Variants in LMNB1 observed in about 807,000 individuals in gnomAD.
LMNB1 encodes the protein lamin-B1.
Under a neutral mutation model 67.1 loss-of-function variants are expected in LMNB1, and 23 were observed. That is an observed-to-expected ratio of 0.34 (90% CI 0.25 to 0.49). The LOEUF (loss-of-function observed/expected upper bound fraction) is 0.49, where lower values mean the gene tolerates loss of function less well. LMNB1 is among the 20% of genes least tolerant of loss of function. LMNB1 has a pLI of 0.99. For synonymous variants in LMNB1, 281 were observed against 282.9 expected (o/e 0.99, Z 0.07); for missense variants, 634 against 746.5 (o/e 0.85, Z 1.76).
intron 7 of LMNB1, among the ~76,000 whole-genome samples, chr5:126,822,022 T>TG (rs1055121385): frequency 3.4e-4 from 51 of 151,702 alleles, no homozygotes; most frequent in Non-Finnish European, 6.2e-4. Flanking sequence ...CCTTTTTTTT[T>TG]TTTTTGAGTC....
At chr5:126,814,461 C>G (rs1382616763) in intron 5 of LMNB1, among the ~76,000 whole-genome samples, 1 of 151,660 alleles carries the variant, frequency 6.6e-6, no homozygotes, top group East Asian at 1.9e-4. Flanking sequence ...GTAGTGGGCT[C>G]TGAAACTTAG....
intron 9 of LMNB1, among the ~76,000 whole-genome samples, chr5:126,827,881 C>T: frequency 6.6e-6 from 1 of 152,134 alleles, no homozygotes; most frequent in Admixed American, 6.5e-5. Context: ...TTTTTGTCTG[C>T]TCCCATAGTG....
intron 4 of LMNB1, 33 bp downstream of exon 4, chr5:126,810,383 T>G: frequency 6.6e-7 from 1 of 1,510,430 alleles, no homozygotes; most frequent in Non-Finnish European, 9.1e-7. Flanking sequence ...TTTTGAACAC[T>G]TAAAATCATT....
At chr5:126,802,468 G>C (rs1211145802) in intron 1 of LMNB1, among the ~76,000 whole-genome samples, 1 of 152,122 alleles carries the variant, frequency 6.6e-6, no homozygotes, top group Non-Finnish European at 1.5e-5. Flanking sequence ...TTTTGAGACG[G>C]AGTCTCACTC....
At chr5:126,827,625 C>T (rs894829683) in intron 9 of LMNB1, among the ~76,000 whole-genome samples, 11 of 152,088 alleles carry the variant, frequency 7.2e-5, no homozygotes, top group African/African-American at 2.7e-4. Context: ...CCAGCCTGGG[C>T]GACAGAGCAA....
At chr5:126,833,126 G>A (rs1438017915) in intron 10 of LMNB1, among the ~76,000 whole-genome samples, 2 of 152,160 alleles carry the variant, frequency 1.3e-5, no homozygotes, top group Admixed American at 1.3e-4. Flanking sequence ...AGGGTCCTAT[G>A]ATTAAAAGGT....
intron 1 of LMNB1, among the ~76,000 whole-genome samples, chr5:126,782,044 A>G (rs1362709149): frequency 1.3e-5 from 2 of 152,190 alleles, no homozygotes; most frequent in African/African-American, 4.8e-5. Flanking sequence ...TTTTGAGAGA[A>G]CAGTTTCCAA....
At chr5:126,787,547 T>TATATATATATATATATATATA (rs869071732) in intron 1 of LMNB1, among the ~76,000 whole-genome samples, 6 of 37,482 alleles carry the variant, frequency 1.6e-4, no homozygotes, top group African/African-American at 4.1e-4. Context: ...TATATATATA[T>TATATATATATATATATATATA]TTTTTTTTTT....
chr5:126,816,548 A>G (rs1202093290), intron 5 of LMNB1, among the ~76,000 whole-genome samples: 1 of 152,236 alleles, frequency 6.6e-6, no homozygotes, highest in African/African-American at 2.4e-5. Flanking sequence ...GTCAAAACTA[A>G]GAAACTGACA....
At chr5:126,795,437 CT>C (rs1463860637) in intron 1 of LMNB1, among the ~76,000 whole-genome samples, 1 of 151,982 alleles carries the variant, frequency 6.6e-6, no homozygotes, top group Non-Finnish European at 1.5e-5. Context: ...CGGGCCTGGC[CT>C]CCTAATTCAT....
intron 1 of LMNB1, among the ~76,000 whole-genome samples, chr5:126,800,982 A>ATATATATATATATTTTTTTTTTT: frequency 5.4e-5 from 1 of 18,632 alleles, no homozygotes; most frequent in African/African-American, 1.7e-4. Context: ...TATATATATA[A>ATATATATATATATTTTTTTTTTT]TTTTTTTTTT....
At chr5:126,782,498 T>C (rs1750656500) in intron 1 of LMNB1, among the ~76,000 whole-genome samples, 1 of 152,140 alleles carries the variant, frequency 6.6e-6, no homozygotes, top group Non-Finnish European at 1.5e-5. Flanking sequence ...TTAATAAAAA[T>C]TTTAGGTTTT....
chr5:126,787,535 TATATATATATA>T (rs141870809), intron 1 of LMNB1, among the ~76,000 whole-genome samples: 9 of 96,090 alleles, frequency 9.4e-5, no homozygotes, highest in Middle Eastern at 7.1e-3. Flanking sequence ...TATATATATA[TATATATATATA>T]TTTTTTTTTT....
intron 9 of LMNB1, among the ~76,000 whole-genome samples, chr5:126,828,253 C>CA (rs1752045407): frequency 6.6e-6 from 1 of 151,820 alleles, no homozygotes; most frequent in African/African-American, 2.4e-5. Context: ...ATAAGGGGTA[C>CA]AAGGCAGATT....
intron 1 of LMNB1, among the ~76,000 whole-genome samples, chr5:126,781,477 GTCTT>G (rs1221917534): frequency 6.6e-6 from 1 of 151,586 alleles, no homozygotes; most frequent in African/African-American, 2.4e-5. Flanking sequence ...GGTTGTTAAT[GTCTT>G]TCTTTTTTTT....
intron 10 of LMNB1, among the ~76,000 whole-genome samples, chr5:126,834,838 T>C (rs575085376): frequency 6.6e-6 from 1 of 152,326 alleles, no homozygotes; most frequent in Admixed American, 6.5e-5. Context: ...ATGGCGCCAC[T>C]GCACTCCAGC....
At chr5:126,791,765 C>A (rs147509267) in intron 1 of LMNB1, among the ~76,000 whole-genome samples, 12 of 151,250 alleles carry the variant, frequency 7.9e-5, no homozygotes, top group African/African-American at 2.4e-4. Context: ...TCATGCCTAG[C>A]CTTTTTTATT....
chr5:126,800,975 A>T (rs1353428402), intron 1 of LMNB1, among the ~76,000 whole-genome samples: 775 of 38,438 alleles, frequency 0.02, 20 homozygotes, highest in African/African-American at 0.045. Context: ...ATATATATAT[A>T]TATATAATTT....
intron 10 of LMNB1, 85 bp downstream of exon 10, chr5:126,832,886 C>T: frequency 1.2e-6 from 1 of 865,664 alleles, no homozygotes; most frequent in Non-Finnish European, 1.7e-6. Context: ...GGGTTTTTCC[C>T]CTATCAGTTG....
Sources: allele counts gnomAD v4.1 joint callset (sites outside exome capture counted in the v4.1 genomes callset), GRCh38; gene constraint gnomAD v4.1.1; transcripts MANE v1.5; gene names NCBI Gene and HGNC (gene_info 2026-07-23, HGNC 2026-07-21).